Variants in DNAJC5B observed in about 807,000 individuals in gnomAD.
DNAJC5B encodes DnaJ heat shock protein family (Hsp40) member C5 beta.
A neutral mutation model predicts 24.7 loss-of-function variants in DNAJC5B; 23 were observed. The observed-to-expected ratio is 0.93, with a 90% CI of 0.67 to 1.32. DNAJC5B has a LOEUF of 1.32. Ranked by LOEUF, DNAJC5B falls within the 40% of genes most tolerant of loss-of-function variation. DNAJC5B has a pLI of 0.00. For missense variants in DNAJC5B, 238 were observed against 240.8 expected (o/e 0.99, Z 0.08); for synonymous variants, 101 against 90.1 (o/e 1.12, Z -0.68).
intron 5 of DNAJC5B, among the ~76,000 whole-genome samples, chr8:66,087,081 G>C (rs1223454871): frequency 1.3e-5 from 2 of 152,164 alleles, no homozygotes; most frequent in African/African-American, 4.8e-5. Context: ...GATACAACCA[G>C]AGTATGGGTA....
Position 66,076,835 on chromosome 8 carries a change from G to A in DNAJC5B, c.295G>A (p.Val99Ile), listed in dbSNP as rs769985065. The A allele has an allele frequency of 1.9e-6, 3 of 1,614,136 alleles. No homozygotes were observed. In the South Asian group the frequency reaches 3.3e-5, roughly 18 times the overall value. Residue 99 changes from valine (V) to isoleucine (I), a missense_variant, in exon 4 of 6, where the codon GTT becomes ATT. By Grantham distance (29) the Val-to-Ile change is conservative. Coordinates refer to ENST00000276570, the MANE Select transcript of DNAJC5B (RefSeq NM_033105.6). ...GGCCGAGCAGTTTGGAGACGAAAACGTTAACACCTACTTCATGCTGTCGAG... is the reference window on the plus strand; with the variant it reads ...GGCCGAGCAGTTTGGAGACGAAAACATTAACACCTACTTCATGCTGTCGAG... ...YVAEQFGDEN[V>I]NTYFMLSSWW...
At chr8:66,066,578 A>C (rs1286498521) in intron 3 of DNAJC5B, among the ~76,000 whole-genome samples, 3 of 152,218 alleles carry the variant, frequency 2.0e-5, no homozygotes, top group Non-Finnish European at 4.4e-5. Context: ...TGTCTTTTGC[A>C]GCAACTTGGA....
upstream of DNAJC5B, among the ~76,000 whole-genome samples, chr8:66,020,579 G>A (rs954053513): frequency 9.5e-5 from 14 of 147,426 alleles, no homozygotes; most frequent in East Asian, 2.4e-3. Flanking sequence ...CTGGTATAGC[G>A]CTGTAATCAA....
intron 5 of DNAJC5B, among the ~76,000 whole-genome samples, chr8:66,096,261 A>G (rs1205058812): frequency 2.0e-5 from 3 of 152,136 alleles, no homozygotes; most frequent in African/African-American, 7.2e-5. Context: ...CTGTTGGATT[A>G]GGGCCCACTC....
chr8:66,066,336 C>G (rs1338031991), intron 3 of DNAJC5B, among the ~76,000 whole-genome samples: 1 of 152,098 alleles, frequency 6.6e-6, no homozygotes, highest in African/African-American at 2.4e-5. Flanking sequence ...CCTTAAAGAT[C>G]TAAAAATAGA....
chr8:66,047,094 C>G (rs1183768007), intron 2 of DNAJC5B, among the ~76,000 whole-genome samples: 1 of 152,234 alleles, frequency 6.6e-6, no homozygotes, highest in Non-Finnish European at 1.5e-5. Context: ...CCAGTGCATT[C>G]TCTTCCTTGA....
chr8:66,022,405 C>T (rs980618170), intron 1 of DNAJC5B, among the ~76,000 whole-genome samples: 4 of 152,192 alleles, frequency 2.6e-5, no homozygotes, highest in Non-Finnish European at 5.9e-5. Flanking sequence ...CCTGACTCAT[C>T]CCCATGTGGA....
upstream of DNAJC5B, among the ~76,000 whole-genome samples, chr8:66,020,486 A>T (rs1806083294): frequency 6.6e-6 from 1 of 152,198 alleles, no homozygotes; most frequent in South Asian, 2.1e-4. Context: ...AGTGAAGGGT[A>T]TGAAATAATG....
At chr8:66,098,514 T>C (rs1451592522) in intron 5 of DNAJC5B, among the ~76,000 whole-genome samples, 1 of 152,168 alleles carries the variant, frequency 6.6e-6, no homozygotes, top group Non-Finnish European at 1.5e-5. Flanking sequence ...TATCCTGGCT[T>C]GTTCTTGGAT....
At chr8:66,054,140 C>T (rs553146104) in intron 3 of DNAJC5B, among the ~76,000 whole-genome samples, 1 of 151,920 alleles carries the variant, frequency 6.6e-6, no homozygotes, top group South Asian at 2.1e-4. Context: ...TACTTATTTT[C>T]TTATGCGGTA....
At chr8:66,076,382 T>C (rs1209777262) in intron 3 of DNAJC5B, among the ~76,000 whole-genome samples, 1 of 152,218 alleles carries the variant, frequency 6.6e-6, no homozygotes, top group Non-Finnish European at 1.5e-5. Flanking sequence ...CTTCGCATAT[T>C]TGCCAACAAC....
chr8:66,051,193 C>A (rs544580505), intron 2 of DNAJC5B, among the ~76,000 whole-genome samples: 127 of 152,160 alleles, frequency 8.3e-4, no homozygotes, highest in South Asian at 3.9e-3. Context: ...AAGCAAATTC[C>A]AGAAAAAAAT....
chr8:66,078,287 A>G (rs554882236), intron 4 of DNAJC5B, among the ~76,000 whole-genome samples: 1 of 152,196 alleles, frequency 6.6e-6, no homozygotes, highest in African/African-American at 2.4e-5. Context: ...ACAGAAAAAC[A>G]TATCTTTTCC....
At chr8:66,064,820 T>C (rs1324720844) in intron 3 of DNAJC5B, among the ~76,000 whole-genome samples, 1 of 152,208 alleles carries the variant, frequency 6.6e-6, no homozygotes, top group African/African-American at 2.4e-5. Flanking sequence ...TAGTGCCTTA[T>C]GATTGGTGTT....
chr8:66,096,560 A>G (rs2128967326), intron 5 of DNAJC5B, among the ~76,000 whole-genome samples: 1 of 152,236 alleles, frequency 6.6e-6, no homozygotes, highest in South Asian at 2.1e-4. Context: ...TGTTATTAGT[A>G]TATATAAGTT....
chr8:66,099,610 A>G (rs77372910), intron 5 of DNAJC5B, among the ~76,000 whole-genome samples: 4,120 of 152,264 alleles, frequency 0.027, 94 homozygotes, highest in Non-Finnish European at 0.041. Context: ...TCAGTTTCCA[A>G]TCTGCACAAC....
At chr8:66,015,035 C>T in the DNAJC5B span, among the ~76,000 whole-genome samples, 13 of 152,158 alleles carry the variant, frequency 8.5e-5, no homozygotes, top group South Asian at 2.1e-4. Context: ...CACTTCCAAA[C>T]GCTTGCTTTC....
chr8:66,058,646 GC>G (rs1807016896), intron 3 of DNAJC5B, among the ~76,000 whole-genome samples: 1 of 152,186 alleles, frequency 6.6e-6, no homozygotes, highest in Non-Finnish European at 1.5e-5. Context: ...CCATAAAGCA[GC>G]CTCAAAGACC....
intron 1 of DNAJC5B, among the ~76,000 whole-genome samples, chr8:66,033,980 G>A (rs1367067798): frequency 3.3e-5 from 5 of 152,018 alleles, no homozygotes; most frequent in African/African-American, 1.2e-4. Context: ...TCAGAATTGG[G>A]AGACCCATGT....
Sources: gnomAD v4.1 joint callset for allele counts (sites outside exome capture counted in the v4.1 genomes callset) on GRCh38, gnomAD v4.1.1 for gene constraint, MANE v1.5 for transcripts, NCBI Gene and HGNC (gene_info 2026-07-23, HGNC 2026-07-21) for gene names.